ALPL: variants seen among roughly 807,000 people sequenced by gnomAD.
ALPL encodes the protein alkaline phosphatase, biomineralization associated, also known as alkaline phosphatase, tissue-nonspecific isozyme.
ALPL carries 42 observed loss-of-function variants against 51.3 expected under a neutral mutation model. That is an observed-to-expected ratio of 0.82 (90% CI 0.64 to 1.06). The LOEUF (loss-of-function observed/expected upper bound fraction) is 1.06, where lower values mean the gene tolerates loss of function less well. Ranked by LOEUF, ALPL falls within the 50% of genes least tolerant of loss-of-function variation. ALPL has a pLI of 0.00. For missense variants in ALPL, 589 were observed against 709.4 expected, an observed-to-expected ratio of 0.83 and a Z score of 1.93; for synonymous variants, 279 against 296.4, an observed-to-expected ratio of 0.94 and a Z score of 0.60.
rs770093969 is a variant in ALPL at position 21,560,683 on chromosome 1, C to T, written c.119C>T (p.Ala40Val). The change falls in exon 3 of 12, where the codon GCC (alanine) becomes GTC (valine). Residue 40 changes from alanine (A) to valine (V), a missense_variant. Coordinates refer to ENST00000374840, the MANE Select transcript of ALPL (RefSeq NM_000478.6). ...CAAGCGCAAGAGACACTGAAATATG[C>T]CCTGGAGCTTCAGAAGCTCAACACC... is the stretch of plus-strand genomic sequence containing the variant. ...RDQAQETLKY[A>V]LELQKLNTNV... 11 of 1,614,022 alleles carry T rather than the reference C, an allele frequency of 6.8e-6. No individual in the cohort carries two copies. Among genetic ancestry groups the T allele is most frequent in the Non-Finnish European group, 9.3e-6 (11 of 1,180,024 alleles).
chr1:21,575,047 G>C (rs1006959196), intron 9 of ALPL, among the ~76,000 whole-genome samples: 7 of 152,204 alleles, frequency 4.6e-5, no homozygotes, highest in Non-Finnish European at 1.0e-4. Context: ...GGTGGGAAGC[G>C]GGGGCGGAGG....
rs779832611 is a variant in ALPL, at chr1:21,573,782, T to G, written c.980T>G (p.Phe327Cys). The G allele has an allele frequency of 8.1e-6, 13 of 1,614,056 alleles. No homozygotes were observed. The highest frequency in any genetic ancestry group is 1.1e-5 in the Non-Finnish European group (13 of 1,179,958). ...IQILRKNPKG[F>C]FLLVEGGRID... is the part of the protein sequence containing the mutation. The stretch of plus-strand genomic sequence containing the variant: ...ATCCTGCGGAAGAACCCCAAAGGCT[T>G]CTTCTTGCTGGTGGAAGGTAGGGAC... The change falls in exon 9 of 12, where the codon TTC becomes TGC. Residue 327 changes from phenylalanine (F) to cysteine (C), a missense_variant. Transcript: ENST00000374840.
chr1:21,556,247 C>T (rs567833277), intron 2 of ALPL, among the ~76,000 whole-genome samples: 2 of 152,198 alleles, frequency 1.3e-5, no homozygotes, highest in Non-Finnish European at 1.5e-5. Flanking sequence ...TCAGATTTGA[C>T]TTGAATTCAC....
At chr1:21,551,764 C>T (rs1198058670) in intron 1 of ALPL, among the ~76,000 whole-genome samples, 1 of 122,608 alleles carries the variant, frequency 8.2e-6, no homozygotes, top group African/African-American at 3.1e-5. Flanking sequence ...GTCTCGCTGT[C>T]GCCCAGGCTG....
intron 1 of ALPL, among the ~76,000 whole-genome samples, chr1:21,531,868 G>A (rs1644034824): frequency 6.6e-6 from 1 of 152,112 alleles, no homozygotes; most frequent in African/African-American, 2.4e-5. Flanking sequence ...ACCATGCCCT[G>A]CCTTTTCTCC....
chr1:21,528,076 A>G (rs1643973546), intron 1 of ALPL, among the ~76,000 whole-genome samples: 1 of 150,428 alleles, frequency 6.6e-6, no homozygotes, highest in Admixed American at 6.6e-5. Flanking sequence ...GCTGGAGTGT[A>G]GTGGCACGAT....
chr1:21,568,385 G>C (rs1199768303), intron 7 of ALPL, 138 bp downstream of exon 7: 2 of 1,166,930 alleles, frequency 1.7e-6, no homozygotes, highest in Non-Finnish European at 2.4e-6. Flanking sequence ...AATGGCCTAA[G>C]AGATATACAA....
chr1:21,577,615 G>A lies in ALPL; in HGVS notation c.1542G>A (p.Ala514=), dbSNP rs3200256. 65 of 1,599,466 alleles carry A rather than the reference G, an allele frequency of 4.1e-5. No individual in the cohort carries two copies. In the Middle Eastern group the frequency reaches 8.2e-4, roughly 20 times the overall value. The change falls in exon 12 of 12, where the codon GCG becomes GCA. Residue 514 remains alanine, a synonymous_variant. Transcript: ENST00000374840. ...TTGCTGCAGGCCCCCTGCTGCTCGC[G>A]CTGGCCCTCTACCCCCTGAGCGTCC... ...GSLAAGPLLL[A]LALYPLSVLF
At chr1:21,550,465 T>A (rs927974292) in intron 1 of ALPL, among the ~76,000 whole-genome samples, 1 of 152,210 alleles carries the variant, frequency 6.6e-6, no homozygotes, top group African/African-American at 2.4e-5. Flanking sequence ...ATGGTGAAAT[T>A]CTTTATGAAC....
chr1:21,521,182 G>A (rs1199558081), intron 1 of ALPL, among the ~76,000 whole-genome samples: 3 of 151,780 alleles, frequency 2.0e-5, no homozygotes, highest in African/African-American at 4.8e-5. Context: ...TTCAGCAAGC[G>A]TTTAATGACT....
intron 1 of ALPL, among the ~76,000 whole-genome samples, chr1:21,528,189 T>C (rs2148080739): frequency 1.3e-5 from 2 of 151,588 alleles, no homozygotes; most frequent in Admixed American, 1.3e-4. Context: ...CCAGGTAATT[T>C]TTGTATTTTT....
chr1:21,540,314 C>G (rs1484887775), intron 1 of ALPL, among the ~76,000 whole-genome samples: 1 of 140,392 alleles, frequency 7.1e-6, no homozygotes, highest in Non-Finnish European at 1.6e-5. Context: ...ACTGCGCCTC[C>G]CTGCTGCTTC....
intron 1 of ALPL, among the ~76,000 whole-genome samples, chr1:21,538,033 C>G (rs1295655375): frequency 6.6e-6 from 1 of 152,144 alleles, no homozygotes; most frequent in East Asian, 1.9e-4. Context: ...GTGTAAAGTG[C>G]TTAGAGCAGT....
chr1:21,573,821 A>G (rs1283616950), intron 9 of ALPL, 22 bp downstream of exon 9: 1 of 1,614,002 alleles, frequency 6.2e-7, no homozygotes, highest in Admixed American at 1.7e-5. Context: ...GGGTCTGCTG[A>G]GAGGGGGCTG....
At chr1:21,548,163 C>G (rs1484142948) in intron 1 of ALPL, among the ~76,000 whole-genome samples, 1 of 152,202 alleles carries the variant, frequency 6.6e-6, no homozygotes, top group Admixed American at 6.5e-5. Context: ...TTTAAGCTGG[C>G]AGACATTGGC....
chr1:21,535,174 T>A (rs1267255392), intron 1 of ALPL, among the ~76,000 whole-genome samples: 1 of 152,150 alleles, frequency 6.6e-6, no homozygotes, highest in Non-Finnish European at 1.5e-5. Context: ...ATCAGCTGGA[T>A]CTTAGAGACA....
chr1:21,542,440 G>A (rs1020944598), intron 1 of ALPL, among the ~76,000 whole-genome samples: 1 of 152,172 alleles, frequency 6.6e-6, no homozygotes, highest in African/African-American at 2.4e-5. Flanking sequence ...TCCTCTCACC[G>A]GGCAAGGCTT....
chr1:21,575,338 T>C (rs1644712125), intron 9 of ALPL, among the ~76,000 whole-genome samples: 1 of 152,090 alleles, frequency 6.6e-6, no homozygotes. Context: ...AAAAGAGACA[T>C]GGGTGTGTCG....
intron 6 of ALPL, among the ~76,000 whole-genome samples, chr1:21,567,205 A>G (rs907434665): frequency 3.9e-5 from 6 of 152,042 alleles, no homozygotes; most frequent in African/African-American, 9.7e-5. Flanking sequence ...CAGGCTCTGC[A>G]CTCCCAAGGT....
Sources: gnomAD v4.1 joint callset for allele counts (sites outside exome capture counted in the v4.1 genomes callset) on GRCh38, gnomAD v4.1.1 for gene constraint, MANE v1.5 for transcripts, NCBI Gene and HGNC (gene_info 2026-07-23, HGNC 2026-07-21) for gene names.